Variants in SPEF2 observed in about 807,000 individuals in gnomAD.
SPEF2 encodes the protein sperm flagella and cilia-associated protein 2.
In SPEF2, 187 loss-of-function variants were observed where a neutral mutation model predicts 224.6. That is an observed-to-expected ratio of 0.83 (90% CI 0.74 to 0.94). SPEF2 has a LOEUF of 0.94. SPEF2 is among the 40% of genes least tolerant of loss of function. SPEF2 has a pLI of 0.00. For missense variants in SPEF2, 2,170 were observed against 2,135.6 expected (o/e 1.02, Z -0.32); for synonymous variants, 715 against 707.3 (o/e 1.01, Z -0.17).
At chr5:35,722,195 T>G (rs902866321) in intron 20 of SPEF2, among the ~76,000 whole-genome samples, 3 of 151,802 alleles carry the variant, frequency 2.0e-5, no homozygotes, top group Non-Finnish European at 2.9e-5. Context: ...TCCAATGGAG[T>G]AAAACCCTTT....
At chr5:35,774,094 C>A in intron 28 of SPEF2, 73 bp downstream of exon 28, 1 of 1,545,164 alleles carries the variant, frequency 6.5e-7, no homozygotes. Context: ...CCACAACTGG[C>A]TCATCAATTG....
chr5:35,686,482 A>C (rs868498931), intron 10 of SPEF2, among the ~76,000 whole-genome samples: 66 of 152,222 alleles, frequency 4.3e-4, no homozygotes, highest in African/African-American at 1.5e-3. Flanking sequence ...ATACCATTTT[A>C]CCTATATGTG....
At position 35,659,023 on chromosome 5, in the gene SPEF2, C is replaced by G; in HGVS notation, c.983C>G (p.Ala328Gly). The G allele has an allele frequency of 6.4e-7, 1 of 1,555,430 alleles. No homozygotes were observed. Among genetic ancestry groups the G allele is most frequent in the Non-Finnish European group, 8.7e-7 (1 of 1,146,942 alleles). The part of the protein sequence containing the change: ...QLIAHEAQEE[A>G]YREEQLINRL... ...TAATTCCCCTGGTGTTTTCAGGAGG[C>G]TTATCGGGAGGAACAGCTGATTAAC... is the stretch of plus-strand genomic sequence containing the variant. Residue 328 changes from alanine to glycine, a missense_variant, in exon 8 of 37, where the codon GCT becomes GGT. Ala to Gly is a moderately conservative substitution (Grantham distance 60, BLOSUM62 0). Coordinates refer to ENST00000356031, the MANE Select transcript of SPEF2 (RefSeq NM_024867.4).
At chr5:35,810,370 C>G (rs1361413382) in intron 36 of SPEF2, among the ~76,000 whole-genome samples, 1 of 152,072 alleles carries the variant, frequency 6.6e-6, no homozygotes, top group Non-Finnish European at 1.5e-5. Flanking sequence ...TGCCACCACG[C>G]CCAGCTAATT....
intron 26 of SPEF2, among the ~76,000 whole-genome samples, chr5:35,771,017 A>G (rs1561337937): frequency 6.6e-6 from 1 of 152,144 alleles, no homozygotes; most frequent in Non-Finnish European, 1.5e-5. Flanking sequence ...TCCATGACCC[A>G]ATTAACACAG....
At chr5:35,793,130 T>G in intron 31 of SPEF2, 29 bp from the exon 32 acceptor site, 1 of 1,595,112 alleles carries the variant, frequency 6.3e-7, no homozygotes, top group Non-Finnish European at 8.6e-7. Flanking sequence ...CATGTAGATA[T>G]TCCAAAGATA....
intron 10 of SPEF2, among the ~76,000 whole-genome samples, chr5:35,683,693 A>AT (rs1207015668): frequency 6.6e-6 from 1 of 152,156 alleles, no homozygotes; most frequent in African/African-American, 2.4e-5. Flanking sequence ...GGCAGAGTCT[A>AT]TTTCCTCTCT....
chr5:35,734,709 C>CTTTTTTT (rs869188623), intron 21 of SPEF2, among the ~76,000 whole-genome samples: 1 of 31,198 alleles, frequency 3.2e-5, no homozygotes, highest in African/African-American at 1.1e-4. Context: ...TCTTTTTTTT[C>CTTTTTTT]TTTTTTTTTT....
intron 10 of SPEF2, among the ~76,000 whole-genome samples, chr5:35,678,877 C>A (rs2149499327): frequency 6.6e-6 from 1 of 152,312 alleles, no homozygotes; most frequent in South Asian, 2.1e-4. Flanking sequence ...CCAGATTACA[C>A]AGCTGAACTC....
Position 35,808,157 on chromosome 5 carries a change from T to A in SPEF2, c.5379+904T>A, listed in dbSNP as rs906709153. The A allele has an allele frequency of 7.1e-6, 7 of 984,752 alleles. No homozygotes were observed. The African/African-American group carries it at 1.0e-4, about 15-fold the overall frequency. The allele number at this position is 984,752 out of a possible 1,614,324, so 61.0% of individuals were successfully genotyped here. A position where few individuals can be genotyped will look rare whatever the true frequency, so the allele number is the denominator to read the frequency against. ...AATATCTTCCTGTGTGCCTAAACGTTTTTGTTCTAAGTTGCTGATCCTTTT... is the reference window on the plus strand; with the variant it reads ...AATATCTTCCTGTGTGCCTAAACGTATTTGTTCTAAGTTGCTGATCCTTTT... On this transcript the variant is annotated intron_variant, in intron 36 of 36. Coordinates refer to ENST00000356031, the MANE Select transcript of SPEF2 (RefSeq NM_024867.4).
At chr5:35,759,124 T>C (rs1750869286) in intron 24 of SPEF2, among the ~76,000 whole-genome samples, 1 of 151,744 alleles carries the variant, frequency 6.6e-6, no homozygotes, top group Non-Finnish European at 1.5e-5. Context: ...TGTTTTTTTT[T>C]GTATTTGTAT....
chr5:35,658,376 C>G (rs1321829597), intron 7 of SPEF2, among the ~76,000 whole-genome samples: 1 of 152,194 alleles, frequency 6.6e-6, no homozygotes, highest in African/African-American at 2.4e-5. Context: ...TTCCCCCAGC[C>G]TCTTCTCCAG....
chr5:35,710,332 C>A, intron 19 of SPEF2: 1 of 845,012 alleles, frequency 1.2e-6, no homozygotes, highest in Non-Finnish European at 1.4e-6. Flanking sequence ...CTGAGGTGGG[C>A]AGATCACCAG....
intron 4 of SPEF2, among the ~76,000 whole-genome samples, chr5:35,645,454 C>T (rs1242166907): frequency 3.3e-5 from 5 of 152,216 alleles, no homozygotes; most frequent in Middle Eastern, 3.4e-3. Flanking sequence ...CAGAATTGAA[C>T]GTTTTTGTAG....
chr5:35,724,376 G>C (rs1744271674), intron 20 of SPEF2, among the ~76,000 whole-genome samples: 2 of 152,022 alleles, frequency 1.3e-5, no homozygotes, highest in South Asian at 4.1e-4. Flanking sequence ...TCAGACTGAA[G>C]TTTAAAAAAT....
chr5:35,793,264 C>T lies in SPEF2; in HGVS notation c.4660C>T (p.Leu1554Phe). The T allele has an allele frequency of 6.2e-7, 1 of 1,614,188 alleles. No homozygotes were observed. The highest frequency in any genetic ancestry group is 2.2e-5 in the East Asian group (1 of 44,878). The change falls in exon 32 of 37, where the codon CTC (leucine) becomes TTC (phenylalanine). Residue 1554 changes from leucine to phenylalanine, a missense_variant. Physicochemically the swap from Leu to Phe is conservative, Grantham distance 22. Transcript: ENST00000356031. ...MPWPIPLEEE[L>F]LETLQKFKAV... The stretch of plus-strand genomic sequence containing the variant: ...TTGGCCCATTCCCTTGGAGGAGGAG[C>T]TCCTTGAGACCCTTCAGAAGTTCAA...
At chr5:35,671,595 G>C in intron 10 of SPEF2, 1 of 871,044 alleles carries the variant, frequency 1.1e-6, no homozygotes, top group Non-Finnish European at 1.4e-6. Flanking sequence ...TTCATCGAAT[G>C]TTTATTTCTA....
At chr5:35,626,523 C>G (rs1744285146) in intron 1 of SPEF2, among the ~76,000 whole-genome samples, 1 of 152,128 alleles carries the variant, frequency 6.6e-6, no homozygotes, top group Admixed American at 6.5e-5. Context: ...CATTTCTTTA[C>G]TTGTTGCTAA....
At chr5:35,788,179 A>G (rs948391489) in intron 30 of SPEF2, 1 of 702,904 alleles carries the variant, frequency 1.4e-6, no homozygotes, top group African/African-American at 1.7e-5. Flanking sequence ...GTAGCTCTCC[A>G]GTGAACAGAG....
Sources: gnomAD v4.1 joint callset for allele counts (sites outside exome capture counted in the v4.1 genomes callset) on GRCh38, gnomAD v4.1.1 for gene constraint, MANE v1.5 for transcripts, NCBI Gene and HGNC (gene_info 2026-07-23, HGNC 2026-07-21) for gene names.